MED26: variants seen among roughly 807,000 people sequenced by gnomAD.
MED26 encodes mediator of RNA polymerase II transcription subunit 26.
A neutral mutation model predicts 43.7 loss-of-function variants in MED26; 7 were observed. The observed-to-expected ratio is 0.16, with a 90% CI of 0.09 to 0.30. The LOEUF is 0.30. Ranked by LOEUF, MED26 falls within the 10% of genes least tolerant of loss-of-function variation. The pLI, the probability that MED26 is intolerant of heterozygous loss-of-function variation, is 1.00. For synonymous variants in MED26, 375 were observed against 371.1 expected, an observed-to-expected ratio of 1.01 and a Z score of -0.12; for missense variants, 784 against 840.6, an observed-to-expected ratio of 0.93 and a Z score of 0.83.
At chr19:16,618,662 C>T (rs1243708397) in intron 1 of MED26, among the ~76,000 whole-genome samples, 1 of 152,218 alleles carries the variant, frequency 6.6e-6, no homozygotes, top group Non-Finnish European at 1.5e-5. Flanking sequence ...GAGGTGATGA[C>T]ATCAGTGCAC....
At chr19:16,580,238 C>T (rs1417601297) in intron 1 of MED26, among the ~76,000 whole-genome samples, 2 of 152,228 alleles carry the variant, frequency 1.3e-5, no homozygotes, top group East Asian at 3.8e-4. Context: ...GTAAACTTAG[C>T]ATCTTACACA....
intron 1 of MED26, among the ~76,000 whole-genome samples, chr19:16,612,538 G>C (rs1039292313): frequency 6.6e-6 from 1 of 152,038 alleles, no homozygotes; most frequent in South Asian, 2.1e-4. Flanking sequence ...CTCCCACCTC[G>C]GTCTCCCAAA....
At chr19:16,611,737 T>A (rs1232170904) in intron 1 of MED26, 1 of 152,078 alleles carries the variant, frequency 6.6e-6, no homozygotes, top group Non-Finnish European at 1.5e-5. Context: ...GCCTTCAGAA[T>A]CACGCTTTCG....
chr19:16,597,489 C>G, intron 1 of MED26: 1 of 398,630 alleles, frequency 2.5e-6, no homozygotes, highest in African/African-American at 2.1e-5. Flanking sequence ...ACAACAGAAA[C>G]AACACACCAA....
At chr19:16,624,924 A>G (rs775570234) in intron 1 of MED26, among the ~76,000 whole-genome samples, 2 of 152,226 alleles carry the variant, frequency 1.3e-5, no homozygotes, top group African/African-American at 4.8e-5. Flanking sequence ...CGTGCTGCAC[A>G]GGAAGATAAA....
chr19:16,623,594 G>A (rs2086260922), intron 1 of MED26, among the ~76,000 whole-genome samples: 1 of 152,128 alleles, frequency 6.6e-6, no homozygotes, highest in Admixed American at 6.5e-5. Context: ...AGATGTTCAC[G>A]GGACAGGCTA....
chr19:16,610,314 A>G (rs2086194100), intron 1 of MED26: 1 of 152,104 alleles, frequency 6.6e-6, no homozygotes, highest in South Asian at 2.1e-4. Flanking sequence ...TAAAAATAAT[A>G]ATAATCATAA....
In MED26 at chr19:16,576,330, C is replaced by T. The variant is rs769837121; in HGVS notation, c.1500G>A (p.Ser500=). Residue 500 remains serine, a synonymous_variant, in exon 3 of 3, where the codon TCG becomes TCA. Coordinates refer to ENST00000263390, the MANE Select transcript of MED26 (RefSeq NM_004831.5). The surrounding 1 kb of genome is among the most constrained non-coding windows in gnomAD (Gnocchi z 6.8). Reference sequence around the variant, plus strand: ...GGTGAGCCCCTGGGGTCTGCGCGCCCGATGATGAGAGCAGGCTGCTCTGCC... The same window carrying T: ...GGTGAGCCCCTGGGGTCTGCGCGCCTGATGATGAGAGCAGGCTGCTCTGCC... ...LSRQSSLLSS[S]GAQTPGAHHF... is the part of the protein sequence containing the mutation. The T allele has an allele frequency of 1.5e-5, 25 of 1,613,682 alleles. No homozygotes were observed. Among genetic ancestry groups the T allele is most frequent in the South Asian group, 2.2e-5 (2 of 91,082 alleles).
intron 1 of MED26, among the ~76,000 whole-genome samples, chr19:16,619,376 G>A (rs1238348239): frequency 6.6e-6 from 1 of 152,142 alleles, no homozygotes; most frequent in Non-Finnish European, 1.5e-5. Flanking sequence ...TAGCTACCAT[G>A]GTAACTACTA....
chr19:16,612,250 A>G (rs1322967586), intron 1 of MED26: 1 of 152,152 alleles, frequency 6.6e-6, no homozygotes, highest in East Asian at 1.9e-4. Flanking sequence ...GTCCAGTAAA[A>G]TCTTGGAGAT....
chr19:16,576,996 T>A lies in MED26; in HGVS notation c.834A>T (p.Ser278=), dbSNP rs1185994121. 6.2e-7 allele frequency: 1 copy of A among 1,607,034 alleles called. No homozygotes were observed. The highest frequency in any genetic ancestry group is 1.7e-5 in the Admixed American group (1 of 59,742). ...PPRCSFSPRN[S]RHEGSFARQQ... is the part of the protein sequence containing the mutation. Reference sequence around the variant, plus strand: ...GCCGGGCAAAGGAGCCCTCATGCCGTGAGTTCCGAGGACTGAAAGAGCAGC... The same window carrying A: ...GCCGGGCAAAGGAGCCCTCATGCCGAGAGTTCCGAGGACTGAAAGAGCAGC... The change falls in exon 3 of 3, where the codon TCA becomes TCT. Residue 278 remains serine (S), a synonymous_variant. Transcript: ENST00000263390. The surrounding 1 kb of genome is among the most constrained non-coding windows in gnomAD (Gnocchi z 6.8).
At chr19:16,623,092 C>T (rs1367218107) in intron 1 of MED26, among the ~76,000 whole-genome samples, 1 of 152,152 alleles carries the variant, frequency 6.6e-6, no homozygotes, top group African/African-American at 2.4e-5. Flanking sequence ...GGACCTCCAA[C>T]CAGGACAACA....
chr19:16,621,036 G>A (rs1486638298), intron 1 of MED26, among the ~76,000 whole-genome samples: 2 of 152,180 alleles, frequency 1.3e-5, no homozygotes, highest in African/African-American at 4.8e-5. Context: ...GGGAAGGAAT[G>A]GAATTCAAAA....
Position 16,603,084 on chromosome 19 carries a change from C to G in MED26, c.73-24675G>C, listed in dbSNP as rs1359026115. On this transcript the variant is annotated intron_variant, in intron 1 of 2. Coordinates refer to ENST00000263390, the MANE Select transcript of MED26 (RefSeq NM_004831.5). Reference sequence around the variant, plus strand: ...CCTAAGTTCCTAAGAGGTCCTCCTGCCAGGACCACTCTCCCTCAGGCATCT... The same window carrying G: ...CCTAAGTTCCTAAGAGGTCCTCCTGGCAGGACCACTCTCCCTCAGGCATCT... Among the ~76,000 whole-genome samples, 4 of 152,232 alleles carry G rather than the reference C, an allele frequency of 2.6e-5. No individual in the cohort carries two copies. The East Asian group carries it at 7.7e-4, about 29-fold the overall frequency.
chr19:16,622,924 T>A (rs988961784), intron 1 of MED26, among the ~76,000 whole-genome samples: 1 of 152,148 alleles, frequency 6.6e-6, no homozygotes, highest in Non-Finnish European at 1.5e-5. Context: ...GAAAGCCAAG[T>A]GTCCTCCTTC....
chr19:16,615,369 ACT>A (rs1016590486), intron 1 of MED26, among the ~76,000 whole-genome samples: 12 of 151,976 alleles, frequency 7.9e-5, no homozygotes, highest in Non-Finnish European at 1.6e-4. Context: ...TTCTTTACTG[ACT>A]CTCTCAGTTG....
In MED26 at chr19:16,576,325, G is replaced by A. The variant is rs199739577; in HGVS notation, c.1505C>T (p.Ala502Val). 1.2e-5 allele frequency: 19 copies of A among 1,613,582 alleles called. No homozygotes were observed. Among genetic ancestry groups the A allele is most frequent in the Non-Finnish European group, 1.5e-5 (18 of 1,180,032 alleles). The part of the protein sequence containing the change: ...RQSSLLSSSG[A>V]QTPGAHHFMS... The stretch of plus-strand genomic sequence containing the variant: ...GAAGTGGTGAGCCCCTGGGGTCTGC[G>A]CGCCCGATGATGAGAGCAGGCTGCT... The change falls in exon 3 of 3, where the codon GCG (alanine) becomes GTG (valine). Residue 502 changes from alanine to valine, a missense_variant. Around this residue, in one of 3 missense-constraint regions of MED26, gnomAD observed 719 missense variants for 730.9 expected, o/e 0.98. Coordinates refer to ENST00000263390, the MANE Select transcript of MED26 (RefSeq NM_004831.5). The surrounding 1 kb of genome is among the most constrained non-coding windows in gnomAD (Gnocchi z 6.8).
At chr19:16,621,193 T>C (rs1373535959) in intron 1 of MED26, among the ~76,000 whole-genome samples, 1 of 152,192 alleles carries the variant, frequency 6.6e-6, no homozygotes, top group Non-Finnish European at 1.5e-5. Context: ...CAGTGATGGA[T>C]TCAGACCCAA....
In MED26 at chr19:16,614,023, G is replaced by T. The variant is rs148582482; in HGVS notation, c.72+13849C>A. Among the ~76,000 whole-genome samples the T allele has an allele frequency of 6.2e-3, 939 of 152,270 alleles. 6 individuals are homozygous for T. The highest frequency in any genetic ancestry group is 0.021 in the African/African-American group (876 of 41,548). ...CAGTACCAGCATCTTCATGATCAGGGTGACTAAATGGAGGCTAGGCATTGT... is the reference window on the plus strand; with the variant it reads ...CAGTACCAGCATCTTCATGATCAGGTTGACTAAATGGAGGCTAGGCATTGT... On this transcript the variant is annotated intron_variant, in intron 1 of 2. Transcript: ENST00000263390.
Sources: allele counts gnomAD v4.1 joint callset (sites outside exome capture counted in the v4.1 genomes callset), GRCh38; gene constraint gnomAD v4.1.1; regional missense constraint gnomAD v4.1.1; non-coding constraint Gnocchi (gnomAD v3.1); transcripts MANE v1.5; gene names NCBI Gene and HGNC (gene_info 2026-07-23, HGNC 2026-07-21).